RHPN1: variants seen among roughly 807,000 people sequenced by gnomAD.
The protein encoded by RHPN1 is rhophilin Rho GTPase binding protein 1, also known as rhophilin-1.
A neutral mutation model predicts 74.7 loss-of-function variants in RHPN1; 77 were observed. That is an observed-to-expected ratio of 1.03 (90% CI 0.86 to 1.25). RHPN1 has a LOEUF of 1.25. Among genes scored for constraint, RHPN1 ranks in the 50% most tolerant of loss-of-function variants. The probability of loss-of-function intolerance (pLI) is 0.00; values close to 1 mark genes in which losing one functional copy is unlikely to be tolerated. For synonymous variants in RHPN1, 444 were observed against 414.5 expected (o/e 1.07, Z -0.87); for missense variants, 987 against 932.2 (o/e 1.06, Z -0.77).
chr8:143,377,463 C>G lies in RHPN1; in HGVS notation c.381+8C>G, dbSNP rs1370439076. The G allele has an allele frequency of 2.5e-6, 4 of 1,608,326 alleles. No individual in the cohort carries two copies. The highest frequency in any genetic ancestry group is 3.4e-6 in the Non-Finnish European group (4 of 1,175,148). ...TGGTCTACACCGCTGAAGGTAGGTA[C>G]TGGCCTCCAAGCTCTGAGATACACG... On this transcript the variant is annotated splice_region_variant and intron_variant, in intron 4 of 14. Coordinates refer to ENST00000289013, the MANE Select transcript of RHPN1 (RefSeq NM_052924.3).
At position 143,378,357 on chromosome 8, in the gene RHPN1, C is replaced by T; in HGVS notation, c.459+11C>T. The T allele has an allele frequency of 6.6e-7, 1 of 1,520,946 alleles. No homozygotes were observed. Among genetic ancestry groups the T allele is most frequent in the Non-Finnish European group, 8.9e-7 (1 of 1,127,162 alleles). 94.2% of individuals were successfully genotyped at this position (1,520,946 alleles called of 1,614,324 possible). A position where few individuals can be genotyped will look rare whatever the true frequency, so the allele number is the denominator to read the frequency against. ...GAGGCCCTGCGGCAGGTGTGTGGTT[C>T]CCCCGCCCACCCACCCTCCTGCAGC... On this transcript the variant is annotated intron_variant, in intron 5 of 14. Coordinates refer to ENST00000289013, the MANE Select transcript of RHPN1 (RefSeq NM_052924.3).
At chr8:143,368,229 G>T (rs916644288), upstream of RHPN1, 2 of 154,016 alleles carry the variant, frequency 1.3e-5, no homozygotes, top group Non-Finnish European at 2.9e-5. Context: ...GGAGGTTCTG[G>T]AAGGAGGCGG....
intron 14 of RHPN1, 57 bp from the exon 15 acceptor site, chr8:143,382,379 G>T (rs559931470): frequency 2.1e-4 from 308 of 1,458,448 alleles, no homozygotes; most frequent in Non-Finnish European, 2.7e-4. Context: ...CAGACTGGCT[G>T]CAGGTGGGGA....
chr8:143,365,058 G>A (rs1817542084), upstream of RHPN1, among the ~76,000 whole-genome samples: 1 of 152,080 alleles, frequency 6.6e-6, no homozygotes, highest in African/African-American at 2.4e-5. Context: ...CACACTCCAA[G>A]ATCTTAACAG....
In RHPN1 at chr8:143,376,709, GTGTGTGCA is replaced by G. The variant is rs1263082753; in HGVS notation, c.305+63_305+70del. Reference sequence around the variant, plus strand: ...TGTATGTGTGTGCACGTGTGCGTGTGTGTGTGCATGTGTGTGCACGCATGTGTGTCTCT... The same window carrying G: ...TGTATGTGTGTGCACGTGTGCGTGTGTGTGTGTGCACGCATGTGTGTCTCT... On this transcript the variant is annotated intron_variant, in intron 3 of 14. Coordinates refer to ENST00000289013, the MANE Select transcript of RHPN1 (RefSeq NM_052924.3). 3.1e-5 allele frequency: 47 copies of G among 1,508,994 alleles called. No homozygotes were observed. The African/African-American group carries it at 5.7e-4, about 18-fold the overall frequency. 93.5% of individuals were successfully genotyped at this position (1,508,994 alleles called of 1,614,324 possible). A position where few individuals can be genotyped will look rare whatever the true frequency, so the allele number is the denominator to read the frequency against.
At chr8:143,371,895 G>A (rs1039496712) in intron 1 of RHPN1, among the ~76,000 whole-genome samples, 1 of 152,234 alleles carries the variant, frequency 6.6e-6, no homozygotes, top group Admixed American at 6.5e-5. Flanking sequence ...CTTCCACTGG[G>A]CTCAACCTTC....
intron 1 of RHPN1, among the ~76,000 whole-genome samples, chr8:143,372,072 C>T (rs575506042): frequency 6.6e-6 from 1 of 152,290 alleles, no homozygotes; most frequent in Admixed American, 6.5e-5. Context: ...ACAGCAGGTG[C>T]CTGTGGGGCT....
chr8:143,377,052 CTGTG>C (rs990558492), intron 3 of RHPN1, among the ~76,000 whole-genome samples: 9 of 45,860 alleles, frequency 2.0e-4, no homozygotes, highest in South Asian at 1.6e-3. Flanking sequence ...CTGTGTGTGT[CTGTG>C]TGTGCGCGTG....
chr8:143,369,116 G>A, intron 1 of RHPN1, 69 bp downstream of exon 1: 4 of 1,263,340 alleles, frequency 3.2e-6, no homozygotes, highest in Non-Finnish European at 4.2e-6. Flanking sequence ...CCCCCCTCGA[G>A]GCGCGTTCCG....
At chr8:143,378,179 A>G (rs1199662235) in intron 4 of RHPN1, 90 bp from the exon 5 acceptor site, 7 of 1,088,810 alleles carry the variant, frequency 6.4e-6, no homozygotes, top group Non-Finnish European at 6.8e-6. Flanking sequence ...TCCCTCCACC[A>G]TGAGTCTTTT....
At chr8:143,376,738 T>C in intron 3 of RHPN1, 85 bp downstream of exon 3, 1 of 1,445,660 alleles carries the variant, frequency 6.9e-7, no homozygotes, top group Non-Finnish European at 9.4e-7. Flanking sequence ...CGCATGTGTG[T>C]CTCTGTGTGT....
intron 1 of RHPN1, among the ~76,000 whole-genome samples, chr8:143,372,416 G>T (rs1449270639): frequency 1.3e-5 from 2 of 152,184 alleles, no homozygotes; most frequent in African/African-American, 4.8e-5. Flanking sequence ...AGCAGCTCTG[G>T]AGGGAATTTC....
rs758989330 is a variant in RHPN1, at chr8:143,378,779, C to G, written c.543C>G (p.Arg181=). The change falls in exon 6 of 15, where the codon CGC becomes CGG. Residue 181 remains arginine, a synonymous_variant. Coordinates refer to ENST00000289013, the MANE Select transcript of RHPN1 (RefSeq NM_052924.3). ...ACCAGCTGTGCTTCCTGGATGCGCG[C>G]TTCCTCACCCCTGCCAGGAGCCTCG... ...YYNQLCFLDA[R]FLTPARSLGL... is the part of the protein sequence containing the mutation. The G allele has an allele frequency of 6.4e-7, 1 of 1,570,590 alleles. No homozygotes were observed. The highest frequency in any genetic ancestry group is 8.6e-7 in the Non-Finnish European group (1 of 1,158,282).
chr8:143,381,783 C>A, intron 13 of RHPN1, 24 bp from the exon 14 acceptor site: 2 of 1,608,702 alleles, frequency 1.2e-6, no homozygotes, highest in Non-Finnish European at 1.7e-6. Context: ...CTGTCCCCAC[C>A]TCACCGTCCA....
chr8:143,380,673 A>T lies in RHPN1; in HGVS notation c.1301A>T (p.Asp434Val). Residue 434 changes from aspartate (D) to valine (V), a missense_variant, in exon 11 of 15, where the codon GAC (aspartate) becomes GTC (valine). Asp to Val is a radical substitution (Grantham distance 152). Transcript: ENST00000289013. ...HALCRVLREV[D>V]LLRAVISQTL... is the part of the protein sequence containing the mutation. The stretch of plus-strand genomic sequence containing the variant: ...CTGTGCCGCGTCCTGCGCGAGGTGG[A>T]CCTGCTTCGGGCTGTGATCTCCCAG... 1.9e-6 allele frequency: 3 copies of T among 1,577,518 alleles called. No individual in the cohort carries two copies. The highest frequency in any genetic ancestry group is 2.3e-5 in the East Asian group (1 of 42,742).
At position 143,379,420 on chromosome 8, in the gene RHPN1, A is replaced by G; in HGVS notation, c.857A>G (p.Glu286Gly). The G allele has an allele frequency of 6.3e-7, 1 of 1,584,440 alleles. No homozygotes were observed. The change falls in exon 8 of 15, where the codon GAA becomes GGA. Residue 286 changes from glutamate to glycine, a missense_variant. Glu to Gly is a moderately conservative substitution (Grantham distance 98). Coordinates refer to ENST00000289013, the MANE Select transcript of RHPN1 (RefSeq NM_052924.3). ...LEQLMMAQAQ[E>G]CVFEGLSPPA... is the part of the protein sequence containing the mutation. ...CAGCTCATGATGGCCCAGGCCCAGG[A>G]ATGTGTGTTTGAGGGCCTCTCACCA...
rs574740648 is a variant in RHPN1, at chr8:143,372,741, G to A, written c.61-2812G>A. ...GGCCTGGGTGTCCAGGGGATGGTGC[G>A]GGTGTCCAGCAGACAGTACAGGGGT... On this transcript the variant is annotated intron_variant, in intron 1 of 14. Transcript: ENST00000289013. Among the ~76,000 whole-genome samples the A allele has an allele frequency of 8.7e-5, 13 of 150,182 alleles. No homozygotes were observed. In the South Asian group the frequency reaches 2.3e-3, roughly 27 times the overall value.
chr8:143,370,950 C>A (rs1817781724), intron 1 of RHPN1, among the ~76,000 whole-genome samples: 1 of 152,170 alleles, frequency 6.6e-6, no homozygotes, highest in African/African-American at 2.4e-5. Context: ...GCTGTGCCCC[C>A]CTCACCTGGT....
At position 143,384,084 on chromosome 8, in the gene RHPN1, A is replaced by C. The variant is rs558489583; in HGVS notation, c.*1433A>C. The C allele has an allele frequency of 7.9e-5, 12 of 152,010 alleles. No homozygotes were observed. The highest frequency in any genetic ancestry group is 2.9e-4 in the African/African-American group (12 of 41,466). The allele number at this position is 152,010 out of a possible 1,614,324, so 9.4% of individuals were successfully genotyped here. On this transcript the variant is annotated 3_prime_UTR_variant, in exon 15 of 15. Coordinates refer to ENST00000289013, the MANE Select transcript of RHPN1 (RefSeq NM_052924.3). ...CTGGGCAGGAGGGCAGGGCTCCCCA[A>C]CCTGCCTGAGCCGGGGTGGGGGTCC...
Sources: gnomAD v4.1 joint callset for allele counts (sites outside exome capture counted in the v4.1 genomes callset) on GRCh38, gnomAD v4.1.1 for gene constraint, MANE v1.5 for transcripts, NCBI Gene and HGNC (gene_info 2026-07-23, HGNC 2026-07-21) for gene names.